Variants in TAFA4 observed in about 807,000 individuals in gnomAD.
TAFA4 encodes chemokine-like protein TAFA-4.
A neutral mutation model predicts 21.1 loss-of-function variants in TAFA4; 20 were observed. That is an observed-to-expected ratio of 0.95 (90% CI 0.67 to 1.38). TAFA4 has a LOEUF of 1.38. Ranked by LOEUF, TAFA4 falls within the 40% of genes most tolerant of loss-of-function variation. TAFA4 has a pLI of 0.00. For missense variants in TAFA4, 211 were observed against 180.9 expected, an observed-to-expected ratio of 1.17 and a Z score of -0.95; for synonymous variants, 71 against 67.4, an observed-to-expected ratio of 1.05 and a Z score of -0.26.
intron 3 of TAFA4, among the ~76,000 whole-genome samples, chr3:68,785,914 A>C (rs779226048): frequency 6.6e-6 from 1 of 152,258 alleles, no homozygotes; most frequent in African/African-American, 2.4e-5. Flanking sequence ...CTACTTCTAG[A>C]CATTTGTTCT....
intron 3 of TAFA4, among the ~76,000 whole-genome samples, chr3:68,773,540 T>G (rs935590357): frequency 6.6e-6 from 1 of 152,144 alleles, no homozygotes; most frequent in Non-Finnish European, 1.5e-5. Flanking sequence ...ATGCAGACAC[T>G]GGAAGTTCCA....
chr3:68,813,949 A>T (rs1703902027), intron 3 of TAFA4, among the ~76,000 whole-genome samples: 1 of 152,212 alleles, frequency 6.6e-6, no homozygotes, highest in African/African-American at 2.4e-5. Context: ...CCAGCAGCAC[A>T]TCAAAAACCT....
intron 5 of TAFA4, 144 bp downstream of exon 5, chr3:68,738,931 A>G (rs1702292841): frequency 1.7e-6 from 2 of 1,178,408 alleles, no homozygotes; most frequent in Admixed American, 2.8e-5. Flanking sequence ...GCGCTTTTCA[A>G]AAAGGCCAAA....
chr3:68,851,130 G>T (rs926726468), intron 3 of TAFA4, among the ~76,000 whole-genome samples: 1 of 152,012 alleles, frequency 6.6e-6, no homozygotes, highest in African/African-American at 2.4e-5. Context: ...AAGAAAATGT[G>T]GTATATATAC....
chr3:68,918,086 G>A (rs2090022147), intron 1 of TAFA4, among the ~76,000 whole-genome samples: 1 of 151,970 alleles, frequency 6.6e-6, no homozygotes, highest in African/African-American at 2.4e-5. Flanking sequence ...TTTCTCTCAT[G>A]AGACAACATT....
In TAFA4 at chr3:68,850,066, C is replaced by T. The variant is rs187362334; in HGVS notation, c.130+30664G>A. Among the ~76,000 whole-genome samples, 256 of 152,232 alleles carry T rather than the reference C, an allele frequency of 1.7e-3. 3 individuals are homozygous for T. The highest frequency in any genetic ancestry group is 5.9e-3 in the African/African-American group (245 of 41,508). On this transcript the variant is annotated intron_variant, in intron 3 of 5. Transcript: ENST00000295569. ...CATTTACCATTGAGTTGCAAAATTG[C>T]CTCTTTTCCCATGAAACAACCAGAA...
chr3:68,902,786 T>G (rs988044008), intron 1 of TAFA4, among the ~76,000 whole-genome samples: 1 of 152,164 alleles, frequency 6.6e-6, no homozygotes, highest in South Asian at 2.1e-4. Context: ...AACCAGAACC[T>G]TATCAGACAT....
At chr3:68,899,456 C>T (rs969970894) in intron 1 of TAFA4, among the ~76,000 whole-genome samples, 1 of 151,710 alleles carries the variant, frequency 6.6e-6, no homozygotes, top group Non-Finnish European at 1.5e-5. Context: ...GCTTCTTAAA[C>T]TTCTTCCATG....
intron 3 of TAFA4, among the ~76,000 whole-genome samples, chr3:68,851,060 C>A (rs1247547936): frequency 6.6e-6 from 1 of 152,144 alleles, no homozygotes; most frequent in Non-Finnish European, 1.5e-5. Context: ...CACTGCAGCA[C>A]TATTCACAAT....
At chr3:68,839,811 C>T (rs566109249) in intron 3 of TAFA4, among the ~76,000 whole-genome samples, 3 of 152,230 alleles carry the variant, frequency 2.0e-5, no homozygotes, top group East Asian at 1.9e-4. Context: ...ACAAGAGCAA[C>T]TTGATAAACT....
rs75374543 is a variant in TAFA4, at chr3:68,788,790, A to G, written c.131-35772T>C. On this transcript the variant is annotated intron_variant, in intron 3 of 5. Transcript: ENST00000295569. Reference sequence around the variant, plus strand: ...CCATACCTGGCTAAATTTTTATTTTATTTTATTTTATTTTTGTAGAGACAG... The same window carrying G: ...CCATACCTGGCTAAATTTTTATTTTGTTTTATTTTATTTTTGTAGAGACAG... Among the ~76,000 whole-genome samples, 3 of 151,964 alleles carry G rather than the reference A, an allele frequency of 2.0e-5. No homozygotes were observed. The East Asian group carries it at 5.8e-4, about 29-fold the overall frequency.
At chr3:68,781,938 T>A (rs1311904552) in intron 3 of TAFA4, among the ~76,000 whole-genome samples, 1 of 152,158 alleles carries the variant, frequency 6.6e-6, no homozygotes, top group African/African-American at 2.4e-5. Flanking sequence ...TGACTTTCGA[T>A]TTAGCAATGA....
chr3:68,800,845 A>G (rs1703563051), intron 3 of TAFA4, among the ~76,000 whole-genome samples: 1 of 152,244 alleles, frequency 6.6e-6, no homozygotes, highest in Admixed American at 6.5e-5. Context: ...TGGAATCTTT[A>G]TTAACAAGAC....
chr3:68,812,741 CG>C (rs1457053042), intron 3 of TAFA4, among the ~76,000 whole-genome samples: 1 of 152,040 alleles, frequency 6.6e-6, no homozygotes, highest in Non-Finnish European at 1.5e-5. Flanking sequence ...CTTTAACACC[CG>C]GCTGTCAACA....
At chr3:68,879,971 CAT>C (rs910723243) in intron 3 of TAFA4, among the ~76,000 whole-genome samples, 2 of 152,146 alleles carry the variant, frequency 1.3e-5, no homozygotes, top group African/African-American at 4.8e-5. Context: ...TCCATTGACA[CAT>C]ATGAATTATT....
chr3:68,794,542 C>T (rs1420663917), intron 3 of TAFA4, among the ~76,000 whole-genome samples: 1 of 152,168 alleles, frequency 6.6e-6, no homozygotes, highest in Non-Finnish European at 1.5e-5. Context: ...CTCTCCTTAG[C>T]ACTTTCATAT....
intron 3 of TAFA4, among the ~76,000 whole-genome samples, chr3:68,795,178 CAA>C (rs1167944764): frequency 6.6e-6 from 1 of 151,438 alleles, no homozygotes; most frequent in Non-Finnish European, 1.5e-5. Flanking sequence ...AGGAAAGACT[CAA>C]AGAGGTGAAG....
Position 68,793,340 on chromosome 3 carries a change from C to A in TAFA4, c.131-40322G>T, listed in dbSNP as rs370305371. ...TATATGGACAATAACTGCACTCAGA[C>A]GGCTATTGCTCTATTGAAAACACCC... On this transcript the variant is annotated intron_variant, in intron 3 of 5. Transcript: ENST00000295569. 4.6e-5 allele frequency among the ~76,000 whole-genome samples: 7 copies of A among 152,280 alleles called. No individual in the cohort carries two copies. The East Asian group carries it at 1.2e-3, about 25-fold the overall frequency.
chr3:68,826,206 C>G (rs1704231361), intron 3 of TAFA4, among the ~76,000 whole-genome samples: 1 of 152,202 alleles, frequency 6.6e-6, no homozygotes, highest in Admixed American at 6.5e-5. Flanking sequence ...GAGAAGCCAC[C>G]TCTGCCACTA....
Sources: allele counts gnomAD v4.1 joint callset (sites outside exome capture counted in the v4.1 genomes callset), GRCh38; gene constraint gnomAD v4.1.1; transcripts MANE v1.5; gene names NCBI Gene and HGNC (gene_info 2026-07-23, HGNC 2026-07-21).